Variants in FRMD5 observed in about 807,000 individuals in gnomAD.
FRMD5 encodes FERM domain-containing protein 5.
In FRMD5, 20 loss-of-function variants were observed where a neutral mutation model predicts 69.0. That is an observed-to-expected ratio of 0.29 (90% CI 0.20 to 0.42). FRMD5 has a LOEUF of 0.42. Among genes scored for constraint, FRMD5 ranks in the 10% least tolerant of loss-of-function variants. The pLI is 1.00. For synonymous variants in FRMD5, 271 were observed against 260.1 expected, an observed-to-expected ratio of 1.04 and a Z score of -0.40; for missense variants, 595 against 708.6, an observed-to-expected ratio of 0.84 and a Z score of 1.82.
intron 1 of FRMD5, among the ~76,000 whole-genome samples, chr15:44,120,772 C>T (rs2076938323): frequency 6.6e-6 from 1 of 151,934 alleles, no homozygotes; most frequent in African/African-American, 2.4e-5. Context: ...TCGTGATCCG[C>T]CCGTCTCAGC....
intron 1 of FRMD5, among the ~76,000 whole-genome samples, chr15:44,075,933 T>G (rs539471152): frequency 4.3e-4 from 65 of 152,328 alleles, no homozygotes; most frequent in Non-Finnish European, 8.2e-4. Flanking sequence ...GAGCATTTTT[T>G]CATGTGTTTT....
intron 1 of FRMD5, among the ~76,000 whole-genome samples, chr15:44,133,576 CAAAA>C (rs11326330): frequency 1.3e-4 from 11 of 86,918 alleles, no homozygotes; most frequent in African/African-American, 3.1e-4. Flanking sequence ...GAATCTGTCT[CAAAA>C]AAAAAAAAAA....
intron 1 of FRMD5, among the ~76,000 whole-genome samples, chr15:44,059,346 G>A (rs887986183): frequency 6.6e-6 from 1 of 152,080 alleles, no homozygotes; most frequent in African/African-American, 2.4e-5. Flanking sequence ...GATAGAGTCT[G>A]CATAGGTTCT....
At chr15:43,883,008 T>C (rs975055976) in intron 13 of FRMD5, among the ~76,000 whole-genome samples, 2 of 152,038 alleles carry the variant, frequency 1.3e-5, no homozygotes, top group African/African-American at 4.8e-5. Context: ...GGTTTCACCA[T>C]GTTGGCCAGG....
intron 6 of FRMD5, 101 bp downstream of exon 6, chr15:43,905,727 G>A: frequency 2.1e-6 from 3 of 1,440,874 alleles, no homozygotes; most frequent in Non-Finnish European, 2.9e-6. Context: ...ATCACTCTGT[G>A]TCAGTAAACA....
In FRMD5 at chr15:43,873,001, C is replaced by G. The variant is rs1256301812; in HGVS notation, c.*884G>C. On this transcript the variant is annotated 3_prime_UTR_variant, in exon 14 of 14. Coordinates refer to ENST00000417257, the MANE Select transcript of FRMD5 (RefSeq NM_032892.5). The stretch of plus-strand genomic sequence containing the variant: ...TTTCTCTTAACTACACTTTGTCCAA[C>G]ATTTCTGACAGAACTATCTATCTCT... 1.7e-6 allele frequency: 1 copy of G among 600,212 alleles called. No individual in the cohort carries two copies. The highest frequency in any genetic ancestry group is 2.9e-6 in the Non-Finnish European group (1 of 347,626). 37.2% of individuals were successfully genotyped at this position (600,212 alleles called of 1,614,324 possible).
chr15:43,906,807 T>G (rs2089185718), intron 5 of FRMD5, among the ~76,000 whole-genome samples: 2 of 147,936 alleles, frequency 1.4e-5, no homozygotes, highest in African/African-American at 5.3e-5. Context: ...TTCACCGTGT[T>G]AGCCAGGATG....
At chr15:44,104,707 A>G (rs758696324) in intron 1 of FRMD5, among the ~76,000 whole-genome samples, 7 of 152,186 alleles carry the variant, frequency 4.6e-5, no homozygotes, top group Non-Finnish European at 8.8e-5. Context: ...TAACCTGGGT[A>G]GTATATATAG....
At chr15:44,185,410 A>T (rs1396954296) in intron 1 of FRMD5, among the ~76,000 whole-genome samples, 2 of 152,248 alleles carry the variant, frequency 1.3e-5, no homozygotes, top group African/African-American at 2.4e-5. Context: ...AATATGCCTT[A>T]TAACATTCCA....
At chr15:43,935,473 G>A (rs1343654082) in intron 1 of FRMD5, among the ~76,000 whole-genome samples, 1 of 152,174 alleles carries the variant, frequency 6.6e-6, no homozygotes, top group African/African-American at 2.4e-5. Flanking sequence ...CGGCAAGAGT[G>A]AAACTCTGTC....
At chr15:43,888,000 C>T (rs576121045) in intron 10 of FRMD5, among the ~76,000 whole-genome samples, 175 bp downstream of exon 10, 1 of 152,162 alleles carries the variant, frequency 6.6e-6, no homozygotes, top group African/African-American at 2.4e-5. Context: ...TTACAAAATC[C>T]CTTTGGTAGG....
At chr15:44,115,284 T>C (rs2140613699) in intron 1 of FRMD5, among the ~76,000 whole-genome samples, 1 of 152,336 alleles carries the variant, frequency 6.6e-6, no homozygotes, top group Non-Finnish European at 1.5e-5. Flanking sequence ...AATAAGCCAG[T>C]AATAAATTCT....
intron 1 of FRMD5, among the ~76,000 whole-genome samples, chr15:44,152,107 G>A (rs6493098): frequency 0.016 from 2,475 of 152,272 alleles, 67 homozygotes; most frequent in East Asian, 0.051. Flanking sequence ...CTACTCAGGA[G>A]GCTGAGGCAT....
At chr15:44,018,569 CTTGT>C (rs1891072111) in intron 1 of FRMD5, among the ~76,000 whole-genome samples, 1 of 152,162 alleles carries the variant, frequency 6.6e-6, no homozygotes. Flanking sequence ...AATCTATTCA[CTTGT>C]TTAATTCTCA....
At chr15:43,948,067 T>C (rs2089974165) in intron 1 of FRMD5, among the ~76,000 whole-genome samples, 2 of 152,070 alleles carry the variant, frequency 1.3e-5, no homozygotes, top group Admixed American at 1.3e-4. Context: ...CACAACAACC[T>C]TATGAGGTAG....
intron 1 of FRMD5, among the ~76,000 whole-genome samples, chr15:43,990,714 T>C (rs1889633261): frequency 6.6e-6 from 1 of 152,148 alleles, no homozygotes; most frequent in Admixed American, 6.5e-5. Flanking sequence ...CAGCCAAAGA[T>C]TGCCATGGAA....
intron 13 of FRMD5, among the ~76,000 whole-genome samples, chr15:43,883,133 T>A (rs552842328): frequency 1.4e-3 from 219 of 151,252 alleles, no homozygotes; most frequent in Non-Finnish European, 2.5e-3. Context: ...TTGGACAGTC[T>A]CCTTTACCCA....
intron 1 of FRMD5, among the ~76,000 whole-genome samples, chr15:44,158,231 T>C (rs901373664): frequency 6.6e-6 from 1 of 152,182 alleles, no homozygotes; most frequent in Non-Finnish European, 1.5e-5. Flanking sequence ...AAACTACTAC[T>C]GTGAGAACTT....
chr15:44,099,374 T>C (rs2288296), intron 1 of FRMD5, among the ~76,000 whole-genome samples: 5,041 of 152,214 alleles, frequency 0.033, 269 homozygotes, highest in African/African-American at 0.11. Flanking sequence ...CTTCTGCTGA[T>C]CCATGGACCA....
Sources: allele counts gnomAD v4.1 joint callset (sites outside exome capture counted in the v4.1 genomes callset), GRCh38; gene constraint gnomAD v4.1.1; transcripts MANE v1.5; gene names NCBI Gene and HGNC (gene_info 2026-07-23, HGNC 2026-07-21).